The following SLC2A13 variants were observed in gnomAD, a reference collection of about 807,000 sequenced individuals.
SLC2A13 encodes the protein solute carrier family 2 member 13.
SLC2A13 carries 32 observed loss-of-function variants against 64.4 expected under a neutral mutation model. That is an observed-to-expected ratio of 0.50 (90% CI 0.37 to 0.67). The LOEUF is 0.67. Ranked by LOEUF, SLC2A13 falls within the 30% of genes least tolerant of loss-of-function variation. The pLI is 0.00. For missense variants in SLC2A13, 743 were observed against 829.2 expected, an observed-to-expected ratio of 0.90 and a Z score of 1.28; for synonymous variants, 338 against 327.1, an observed-to-expected ratio of 1.03 and a Z score of -0.36.
At chr12:39,976,521 C>A (rs1946761442) in intron 3 of SLC2A13, among the ~76,000 whole-genome samples, 1 of 152,172 alleles carries the variant, frequency 6.6e-6, no homozygotes, top group African/African-American at 2.4e-5. Context: ...AATGTTACCT[C>A]TGGTATTTCC....
intron 3 of SLC2A13, among the ~76,000 whole-genome samples, chr12:39,995,677 G>A (rs373205980): frequency 6.6e-6 from 1 of 152,182 alleles, no homozygotes; most frequent in East Asian, 1.9e-4. Flanking sequence ...TGGTTTGGCT[G>A]TGTCCCCACC....
intron 4 of SLC2A13, among the ~76,000 whole-genome samples, chr12:39,942,856 G>C (rs1263654778): frequency 6.6e-6 from 1 of 152,062 alleles, no homozygotes; most frequent in Non-Finnish European, 1.5e-5. Flanking sequence ...GGAATTTTCA[G>C]CCTTTTTGTG....
intron 7 of SLC2A13, chr12:39,802,484 C>T (rs1247847628): frequency 6.6e-6 from 1 of 152,128 alleles, no homozygotes; most frequent in East Asian, 1.9e-4. Context: ...AGGGCCACTT[C>T]ATACAAGGTC....
intron 4 of SLC2A13, among the ~76,000 whole-genome samples, chr12:39,919,282 C>T (rs1451494815): frequency 6.6e-6 from 1 of 152,088 alleles, no homozygotes; most frequent in Non-Finnish European, 1.5e-5. Flanking sequence ...GGTAAACATT[C>T]TTCTTGGCCA....
chr12:40,054,258 G>GA (rs1382549837), intron 1 of SLC2A13, among the ~76,000 whole-genome samples: 1 of 152,086 alleles, frequency 6.6e-6, no homozygotes, highest in Non-Finnish European at 1.5e-5. Flanking sequence ...CTTTAAAAAT[G>GA]AATGTAATGA....
intron 1 of SLC2A13, among the ~76,000 whole-genome samples, chr12:40,101,897 G>T (rs1447821369): frequency 6.6e-6 from 1 of 151,746 alleles, no homozygotes; most frequent in Non-Finnish European, 1.5e-5. Flanking sequence ...CCAACAAAAG[G>T]AGACCCATTC....
At chr12:39,832,953 C>T (rs1353273345) in intron 6 of SLC2A13, among the ~76,000 whole-genome samples, 4 of 152,074 alleles carry the variant, frequency 2.6e-5, no homozygotes, top group African/African-American at 7.2e-5. Flanking sequence ...CAGCCTCAAA[C>T]GGATTCTCAA....
Position 40,105,544 on chromosome 12 carries a change from C to T in SLC2A13, c.265G>A (p.Ala89Thr). 1 of 1,579,284 alleles carries T rather than the reference C, an allele frequency of 6.3e-7. No homozygotes were observed. The highest frequency in any genetic ancestry group is 8.6e-7 in the Non-Finnish European group (1 of 1,165,824). Residue 89 changes from alanine (A) to threonine (T), a missense_variant, in exon 1 of 10, where the codon GCG becomes ACG. Around this residue, in one of 2 missense-constraint regions of SLC2A13, gnomAD observed 448 missense variants for 447.4 expected, o/e 1.00. Transcript: ENST00000280871. This position sits in a 1 kb window ranked among gnomAD's most constrained non-coding sequence, Gnocchi z 4.2. ...TAGCCAAACAGGAAGCCGCCCAGCGCGGAGAAGACGGCCACCACGTACACG... is the reference window on the plus strand; with the variant it reads ...TAGCCAAACAGGAAGCCGCCCAGCGTGGAGAAGACGGCCACCACGTACACG... ...AFVYVVAVFS[A>T]LGGFLFGYDT...
chr12:39,931,869 T>A (rs1945831094), intron 4 of SLC2A13, among the ~76,000 whole-genome samples: 1 of 152,122 alleles, frequency 6.6e-6, no homozygotes, highest in Non-Finnish European at 1.5e-5. Flanking sequence ...TTTATACTAA[T>A]TACTAAAATA....
chr12:40,058,757 T>C (rs1201113086), intron 1 of SLC2A13, among the ~76,000 whole-genome samples: 2 of 152,210 alleles, frequency 1.3e-5, no homozygotes, highest in Admixed American at 6.5e-5. Context: ...AAAGATTATA[T>C]AGCTACCTAA....
intron 1 of SLC2A13, among the ~76,000 whole-genome samples, chr12:40,070,933 A>G (rs962850758): frequency 2.0e-5 from 3 of 152,164 alleles, no homozygotes; most frequent in Admixed American, 6.6e-5. Context: ...ATATCAGCCC[A>G]TATTTATATA....
intron 7 of SLC2A13, among the ~76,000 whole-genome samples, chr12:39,768,518 T>C (rs763336919): frequency 1.3e-4 from 20 of 152,136 alleles, no homozygotes; most frequent in Non-Finnish European, 1.8e-4. Context: ...GTCGTGCTAC[T>C]ATTCCTATCA....
At chr12:39,819,586 A>C (rs4604958) in intron 7 of SLC2A13, among the ~76,000 whole-genome samples, 1 of 151,996 alleles carries the variant, frequency 6.6e-6, no homozygotes, top group Non-Finnish European at 1.5e-5. Flanking sequence ...TGTCCTTGAC[A>C]CTAAGCAGTA....
intron 7 of SLC2A13, among the ~76,000 whole-genome samples, chr12:39,786,890 G>A (rs1037726516): frequency 6.6e-6 from 1 of 152,152 alleles, no homozygotes; most frequent in African/African-American, 2.4e-5. Flanking sequence ...CTAGTTCTTT[G>A]TCCACTTACC....
At chr12:40,055,152 C>CT (rs981314932) in intron 1 of SLC2A13, among the ~76,000 whole-genome samples, 1 of 152,092 alleles carries the variant, frequency 6.6e-6, no homozygotes, top group Non-Finnish European at 1.5e-5. Context: ...TCAGTTTCTA[C>CT]TTTTTTCTAA....
rs1357173478 is a variant in SLC2A13, at chr12:39,895,549, T to TACAC, written c.1035-23589_1035-23588insGTGT. ...ATATATATATATATATATATATATA[T>TACAC]ATACACACACACACACACGTGTATA... On this transcript the variant is annotated intron_variant, in intron 4 of 9. Transcript: ENST00000280871. Among the ~76,000 whole-genome samples the TACAC allele has an allele frequency of 3.4e-4, 25 of 72,544 alleles. 1 individual carries two copies. The highest frequency in any genetic ancestry group is 1.4e-3 in the African/African-American group (25 of 17,834). 47.6% of individuals were successfully genotyped at this position (72,544 alleles called of 152,430 possible).
intron 4 of SLC2A13, among the ~76,000 whole-genome samples, chr12:39,924,536 G>A (rs920781884): frequency 1.3e-5 from 2 of 151,484 alleles, no homozygotes; most frequent in Non-Finnish European, 2.9e-5. Context: ...ATCTAAAATA[G>A]ACTTCACCTT....
At chr12:39,933,566 T>A (rs998809845) in intron 4 of SLC2A13, among the ~76,000 whole-genome samples, 1 of 152,200 alleles carries the variant, frequency 6.6e-6, no homozygotes, top group African/African-American at 2.4e-5. Context: ...CTTTATAAGG[T>A]ACATACTACT....
intron 3 of SLC2A13, among the ~76,000 whole-genome samples, chr12:40,021,755 A>T (rs1947723013): frequency 6.6e-6 from 1 of 152,230 alleles, no homozygotes; most frequent in Non-Finnish European, 1.5e-5. Flanking sequence ...TGAAAAAAAT[A>T]AAAGCAAACT....
Sources: gnomAD v4.1 joint callset for allele counts (sites outside exome capture counted in the v4.1 genomes callset) on GRCh38, gnomAD v4.1.1 for gene constraint, gnomAD v4.1.1 regional missense constraint, Gnocchi (gnomAD v3.1) non-coding constraint, MANE v1.5 for transcripts, NCBI Gene and HGNC (gene_info 2026-07-23, HGNC 2026-07-21) for gene names.